The following FHIP1A variants were observed in gnomAD, a reference collection of about 807,000 sequenced individuals.
The protein encoded by FHIP1A is FHF complex subunit HOOK interacting protein 1A.
In FHIP1A, 61 loss-of-function variants were observed where a neutral mutation model predicts 88.6. That is an observed-to-expected ratio of 0.69 (90% CI 0.56 to 0.85). The LOEUF is 0.85. FHIP1A is among the 40% of genes least tolerant of loss of function. The probability of loss-of-function intolerance (pLI) is 0.00; values close to 1 mark genes in which losing one functional copy is unlikely to be tolerated. For missense variants in FHIP1A, 1,154 were observed against 1,273.5 expected, an observed-to-expected ratio of 0.91 and a Z score of 1.43; for synonymous variants, 478 against 496.0, an observed-to-expected ratio of 0.96 and a Z score of 0.48.
chr4:151,424,348 A>G (rs1733286402), intron 1 of FHIP1A, among the ~76,000 whole-genome samples: 1 of 152,184 alleles, frequency 6.6e-6, no homozygotes, highest in South Asian at 2.1e-4. Context: ...CTTAGAAAAA[A>G]GGAGGAGTGC....
At chr4:151,531,486 C>T (rs1580675426) in intron 3 of FHIP1A, among the ~76,000 whole-genome samples, 1 of 143,952 alleles carries the variant, frequency 6.9e-6, no homozygotes, top group East Asian at 2.0e-4. Context: ...ATCCCTGTAC[C>T]GCATTTTCTT....
At chr4:151,511,756 C>T (rs1014300244) in intron 3 of FHIP1A, among the ~76,000 whole-genome samples, 1 of 152,252 alleles carries the variant, frequency 6.6e-6, no homozygotes, top group Non-Finnish European at 1.5e-5. Context: ...ATTGCCCAGG[C>T]TTGCTTAGGT....
intron 1 of FHIP1A, among the ~76,000 whole-genome samples, chr4:151,432,537 A>G (rs1733631578): frequency 6.6e-6 from 1 of 152,234 alleles, no homozygotes; most frequent in South Asian, 2.1e-4. Flanking sequence ...AATTAAAGTC[A>G]GATGGTCTGC....
intron 4 of FHIP1A, among the ~76,000 whole-genome samples, chr4:151,573,735 A>G (rs1003886545): frequency 2.0e-5 from 3 of 152,000 alleles, no homozygotes; most frequent in Non-Finnish European, 2.9e-5. Context: ...CATCCATAGC[A>G]CTGGAAGGTA....
chr4:151,438,964 T>C (rs1728307900), intron 1 of FHIP1A, among the ~76,000 whole-genome samples: 1 of 152,164 alleles, frequency 6.6e-6, no homozygotes, highest in Non-Finnish European at 1.5e-5. Context: ...TGAAGTAGTA[T>C]GTAGTTGAAA....
intron 7 of FHIP1A, among the ~76,000 whole-genome samples, chr4:151,607,139 A>G (rs1223999712): frequency 6.6e-6 from 1 of 152,210 alleles, no homozygotes; most frequent in Non-Finnish European, 1.5e-5. Context: ...CAAGGGAGCC[A>G]TAATTAAGGA....
chr4:151,505,694 A>C (rs192937171), intron 3 of FHIP1A, among the ~76,000 whole-genome samples: 375 of 152,350 alleles, frequency 2.5e-3, no homozygotes, highest in Middle Eastern at 6.8e-3. Flanking sequence ...AATAAATAAC[A>C]TTCAAGTGGG....
intron 13 of FHIP1A, among the ~76,000 whole-genome samples, chr4:151,661,253 A>G (rs190005671): frequency 6.6e-6 from 1 of 152,116 alleles, no homozygotes; most frequent in African/African-American, 2.4e-5. Flanking sequence ...CCTCAGTGAC[A>G]TCAACACTTT....
chr4:151,473,275 G>C (rs1253359367), intron 2 of FHIP1A, among the ~76,000 whole-genome samples: 1 of 151,968 alleles, frequency 6.6e-6, no homozygotes, highest in Non-Finnish European at 1.5e-5. Context: ...CCTGTATTAA[G>C]CCGAGTTTTA....
intron 7 of FHIP1A, among the ~76,000 whole-genome samples, chr4:151,625,965 T>G (rs560255961): frequency 1.3e-5 from 2 of 152,310 alleles, no homozygotes; most frequent in East Asian, 1.9e-4. Flanking sequence ...GGTGAAAGCA[T>G]GGCGTAGATG....
At chr4:151,615,853 T>G (rs1183650585) in intron 7 of FHIP1A, among the ~76,000 whole-genome samples, 3 of 152,182 alleles carry the variant, frequency 2.0e-5, no homozygotes, top group African/African-American at 7.2e-5. Context: ...AAGTCACACC[T>G]GGTGTCATGG....
intron 2 of FHIP1A, among the ~76,000 whole-genome samples, chr4:151,463,685 T>A (rs976468249): frequency 1.3e-5 from 2 of 152,208 alleles, no homozygotes; most frequent in African/African-American, 4.8e-5. Context: ...CAATTATGTG[T>A]CACAAAGAAA....
chr4:151,574,026 G>A (rs1733693516), intron 4 of FHIP1A, among the ~76,000 whole-genome samples: 1 of 152,210 alleles, frequency 6.6e-6, no homozygotes, highest in Non-Finnish European at 1.5e-5. Context: ...CCAGTCCCAA[G>A]GTTGGGCCAC....
At chr4:151,623,078 G>A (rs928745634) in intron 7 of FHIP1A, among the ~76,000 whole-genome samples, 2 of 152,196 alleles carry the variant, frequency 1.3e-5, no homozygotes, top group Non-Finnish European at 2.9e-5. Flanking sequence ...TGTGATGAAA[G>A]CAGTAACCCT....
chr4:151,577,891 T>C lies in FHIP1A; in HGVS notation c.547T>C (p.Phe183Leu), dbSNP rs1431977820. The C allele has an allele frequency of 1.3e-5, 20 of 1,551,700 alleles. No individual in the cohort carries two copies. Among genetic ancestry groups the C allele is most frequent in the Middle Eastern group, 1.7e-4 (1 of 6,016 alleles). Residue 183 changes from phenylalanine (F) to leucine (L), a missense_variant, in exon 5 of 14, where the codon TTC (phenylalanine) becomes CTC (leucine). Physicochemically the swap from Phe to Leu is conservative, Grantham distance 22 (BLOSUM62 0). Transcript: ENST00000435205. ...CAAAGATCCATCCATTTTAGAACTCTTCTTCCACACTAGTGAAGACCAAGG... is the reference window on the plus strand; with the variant it reads ...CAAAGATCCATCCATTTTAGAACTCCTCTTCCACACTAGTGAAGACCAAGG... The part of the protein sequence containing the change: ...LAKDPSILEL[F>L]FHTSEDQGAA...
intron 3 of FHIP1A, among the ~76,000 whole-genome samples, chr4:151,485,811 A>T (rs1244535785): frequency 6.6e-6 from 1 of 150,734 alleles, no homozygotes; most frequent in Non-Finnish European, 1.5e-5. Context: ...ACCTTCTTGA[A>T]CTCCTGAGTT....
At chr4:151,426,899 T>C (rs1370825474) in intron 1 of FHIP1A, among the ~76,000 whole-genome samples, 1 of 152,294 alleles carries the variant, frequency 6.6e-6, no homozygotes, top group East Asian at 1.9e-4. Flanking sequence ...TTTCCCCTCC[T>C]CACTCCTGTG....
At chr4:151,475,954 C>T (rs939924214) in intron 2 of FHIP1A, among the ~76,000 whole-genome samples, 7 of 151,274 alleles carry the variant, frequency 4.6e-5, no homozygotes, top group African/African-American at 9.7e-5. Context: ...CTCCGCCTCC[C>T]GTGTTCAAGC....
chr4:151,523,015 A>C (rs1161474128), intron 3 of FHIP1A, among the ~76,000 whole-genome samples: 1 of 152,196 alleles, frequency 6.6e-6, no homozygotes, highest in African/African-American at 2.4e-5. Context: ...CTGTCACTGT[A>C]GTATAGGCAT....
Sources: allele counts gnomAD v4.1 joint callset (sites outside exome capture counted in the v4.1 genomes callset), GRCh38; gene constraint gnomAD v4.1.1; transcripts MANE v1.5; gene names NCBI Gene and HGNC (gene_info 2026-07-23, HGNC 2026-07-21).